CACHD1: variants seen among roughly 807,000 people sequenced by gnomAD.
CACHD1 encodes cache domain containing 1.
Under a neutral mutation model 138.7 loss-of-function variants are expected in CACHD1, and 71 were observed. That is an observed-to-expected ratio of 0.51 (90% CI 0.42 to 0.62). The LOEUF (loss-of-function observed/expected upper bound fraction) is 0.62, where lower values mean the gene tolerates loss of function less well. Ranked by LOEUF, CACHD1 falls within the 20% of genes least tolerant of loss-of-function variation. CACHD1 has a pLI of 0.00. For missense variants in CACHD1, 1,389 were observed against 1,625.3 expected, an observed-to-expected ratio of 0.85 and a Z score of 2.50; for synonymous variants, 578 against 591.5, an observed-to-expected ratio of 0.98 and a Z score of 0.33.
rs75667111 is a variant in CACHD1 at position 64,634,033 on chromosome 1, C to A, written c.790-11C>A. 778 of 1,116,634 alleles carry A rather than the reference C, an allele frequency of 7.0e-4. No homozygotes were observed. Among genetic ancestry groups the A allele is most frequent in the Middle Eastern group, 8.1e-4 (3 of 3,726 alleles). The allele number at this position is 1,116,634 out of a possible 1,614,324, so 69.2% of individuals were successfully genotyped here. A position where few individuals can be genotyped will look rare whatever the true frequency, so the allele number is the denominator to read the frequency against. Reference sequence around the variant, plus strand: ...AAGTTTGGTGGTTTTTTTTTTTTTTCTTTCCTGCAGATTTCTGTGTTAACT... The same window carrying A: ...AAGTTTGGTGGTTTTTTTTTTTTTTATTTCCTGCAGATTTCTGTGTTAACT... On this transcript the variant is annotated splice_polypyrimidine_tract_variant and intron_variant, in intron 6 of 26. Transcript: ENST00000651257.
At chr1:64,588,084 G>A (rs1220969284) in intron 3 of CACHD1, among the ~76,000 whole-genome samples, 2 of 152,128 alleles carry the variant, frequency 1.3e-5, no homozygotes, top group Non-Finnish European at 2.9e-5. Context: ...CTGACCTGAT[G>A]TGTTATACCC....
intron 4 of CACHD1, among the ~76,000 whole-genome samples, chr1:64,627,544 T>C (rs1648152762): frequency 2.0e-5 from 3 of 152,184 alleles, no homozygotes; most frequent in Admixed American, 2.0e-4. Context: ...GAGTTCATGA[T>C]GCTCTAGAGG....
chr1:64,671,761 G>C lies in CACHD1; in HGVS notation c.2510+75G>C. ...GATGTCAGGTATCTCTAGTTGAATGGGAACCGCATAGTTATGGTCAGGAAT... is the reference window on the plus strand; with the variant it reads ...GATGTCAGGTATCTCTAGTTGAATGCGAACCGCATAGTTATGGTCAGGAAT... On this transcript the variant is annotated intron_variant, in intron 17 of 26. Transcript: ENST00000651257. 1.9e-6 allele frequency: 3 copies of C among 1,556,854 alleles called. No homozygotes were observed. The South Asian group carries it at 3.4e-5, about 18-fold the overall frequency.
intron 4 of CACHD1, among the ~76,000 whole-genome samples, chr1:64,609,652 T>C (rs1002685665): frequency 3.5e-4 from 54 of 152,310 alleles, no homozygotes; most frequent in Non-Finnish European, 4.3e-4. Flanking sequence ...TACTGGCATA[T>C]ATACATATAT....
At chr1:64,677,709 T>C (rs1223471069) in intron 22 of CACHD1, among the ~76,000 whole-genome samples, 5 of 152,214 alleles carry the variant, frequency 3.3e-5, no homozygotes, top group Admixed American at 1.3e-4. Flanking sequence ...TCACAATGCA[T>C]GTAATACACT....
At chr1:64,558,000 T>C (rs1224514588) in intron 2 of CACHD1, among the ~76,000 whole-genome samples, 14 of 152,054 alleles carry the variant, frequency 9.2e-5, no homozygotes, top group Non-Finnish European at 2.1e-4. Context: ...GGTTTCACCA[T>C]GTTGGCCAGG....
At position 64,582,251 on chromosome 1, in the gene CACHD1, C is replaced by G; in HGVS notation, c.357C>G (p.Thr119=). The change falls in exon 3 of 27, where the codon ACC becomes ACG. Residue 119 remains threonine (T), a synonymous_variant. Transcript: ENST00000651257. ...AAGCATCCTATACGGCTCACCTAAC[C>G]TCTCCCCTAACTGCAATTCAAGACT... ...VVEASYTAHL[T]SPLTAIQDCC... The G allele has an allele frequency of 6.2e-7, 1 of 1,613,972 alleles. No individual in the cohort carries two copies.
At chr1:64,648,407 A>G (rs1432736276) in intron 9 of CACHD1, among the ~76,000 whole-genome samples, 1 of 152,168 alleles carries the variant, frequency 6.6e-6, no homozygotes, top group Non-Finnish European at 1.5e-5. Flanking sequence ...GTGGGCTTTC[A>G]AATTCCATTC....
At chr1:64,501,528 A>G (rs1435873716) in intron 1 of CACHD1, among the ~76,000 whole-genome samples, 1 of 152,198 alleles carries the variant, frequency 6.6e-6, no homozygotes, top group Non-Finnish European at 1.5e-5. Context: ...AGTTAATTTC[A>G]TAGTTTAACT....
At chr1:64,504,893 C>A (rs188564177) in intron 1 of CACHD1, among the ~76,000 whole-genome samples, 2 of 152,114 alleles carry the variant, frequency 1.3e-5, no homozygotes, top group East Asian at 1.9e-4. Flanking sequence ...GAAGACGGTG[C>A]GAGGATGTAC....
chr1:64,478,639 G>A (rs571385054), intron 1 of CACHD1, among the ~76,000 whole-genome samples: 2 of 152,294 alleles, frequency 1.3e-5, no homozygotes, highest in African/African-American at 4.8e-5. Context: ...ATCCAGAGAG[G>A]CTAAACCAAC....
At chr1:64,643,650 C>G (rs542459368) in intron 8 of CACHD1, among the ~76,000 whole-genome samples, 1 of 152,146 alleles carries the variant, frequency 6.6e-6, no homozygotes, top group Non-Finnish European at 1.5e-5. Flanking sequence ...TCCTGGCTAA[C>G]ACGGTGAAAC....
intron 1 of CACHD1, among the ~76,000 whole-genome samples, chr1:64,498,603 A>G (rs527479718): frequency 1.7e-3 from 263 of 152,294 alleles, no homozygotes; most frequent in Non-Finnish European, 2.7e-3. Flanking sequence ...TGGCACTTCT[A>G]CCACACTACA....
intron 2 of CACHD1, among the ~76,000 whole-genome samples, chr1:64,568,396 C>T (rs940344587): frequency 6.6e-6 from 1 of 151,982 alleles, no homozygotes; most frequent in African/African-American, 2.4e-5. Flanking sequence ...ATATAGCAAC[C>T]CTTAGATACC....
rs1251028757 is a variant in CACHD1, at chr1:64,663,702, C to T, written c.1959C>T (p.Pro653=). The T allele has an allele frequency of 6.2e-7, 1 of 1,614,128 alleles. No individual in the cohort carries two copies. The highest frequency in any genetic ancestry group is 1.1e-5 in the South Asian group (1 of 91,084). Residue 653 remains proline (P), a synonymous_variant, in exon 14 of 27, where the codon CCC becomes CCT. Coordinates refer to ENST00000651257, the MANE Select transcript of CACHD1 (RefSeq NM_020925.4). Reference sequence around the variant, plus strand: ...TGTTTGCTTCTCTTTCAGAAAGTCCCACCATCATGCTGTCTGCTGGCAGCT... The same window carrying T: ...TGTTTGCTTCTCTTTCAGAAAGTCCTACCATCATGCTGTCTGCTGGCAGCT... ...HFKQLATLES[P]TIMLSAGSFS...
chr1:64,500,937 T>A (rs562649261), intron 1 of CACHD1, among the ~76,000 whole-genome samples: 3 of 151,236 alleles, frequency 2.0e-5, no homozygotes, highest in Non-Finnish European at 4.4e-5. Context: ...TAATCCCAGG[T>A]ACTTGGGAGG....
rs754171121 is a variant in CACHD1 at position 64,592,607 on chromosome 1, T to G, written c.411-10199T>G. The stretch of plus-strand genomic sequence containing the variant: ...CAAGTGTCCATATAGCAATTGAGGA[T>G]GGGGAGGTGGAAGACCCAGCTGGCA... On this transcript the variant is annotated intron_variant, in intron 3 of 26. Transcript: ENST00000651257. 1.8e-4 allele frequency among the ~76,000 whole-genome samples: 28 copies of G among 152,050 alleles called. No homozygotes were observed. The Middle Eastern group carries it at 0.01, about 55-fold the overall frequency.
At chr1:64,628,493 C>T (rs993766282) in intron 4 of CACHD1, among the ~76,000 whole-genome samples, 3 of 152,106 alleles carry the variant, frequency 2.0e-5, no homozygotes, top group African/African-American at 7.2e-5. Flanking sequence ...ATTCTGATTG[C>T]GGGAGAGGGT....
chr1:64,498,826 G>T (rs1320004793), intron 1 of CACHD1, among the ~76,000 whole-genome samples: 1 of 152,192 alleles, frequency 6.6e-6, no homozygotes, highest in Non-Finnish European at 1.5e-5. Flanking sequence ...TGACTTGGTG[G>T]TTTCCCCTGG....
Sources: gnomAD v4.1 joint callset for allele counts (sites outside exome capture counted in the v4.1 genomes callset) on GRCh38, gnomAD v4.1.1 for gene constraint, MANE v1.5 for transcripts, NCBI Gene and HGNC (gene_info 2026-07-23, HGNC 2026-07-21) for gene names.